Variants in KIF2C observed in about 807,000 individuals in gnomAD.
The protein encoded by KIF2C is kinesin family member 2C, also known as kinesin-like protein KIF2C.
Under a neutral mutation model 97.4 loss-of-function variants are expected in KIF2C, and 34 were observed. That is an observed-to-expected ratio of 0.35 (90% confidence interval 0.27 to 0.46). The LOEUF (loss-of-function observed/expected upper bound fraction) is 0.46, where lower values mean the gene tolerates loss of function less well. KIF2C is among the 20% of genes least tolerant of loss of function. The probability of loss-of-function intolerance (pLI) is 1.00; values close to 1 mark genes in which losing one functional copy is unlikely to be tolerated. For missense variants in KIF2C, 750 were observed against 907.6 expected (o/e 0.83, Z 2.23); for synonymous variants, 313 against 318.2 (o/e 0.98, Z 0.17).
chr1:44,762,604 T>A lies in KIF2C; in HGVS notation c.1917T>A (p.Thr639=). Residue 639 remains threonine, a synonymous_variant, in exon 19 of 21, where the codon ACT becomes ACA. Transcript: ENST00000372224. ...TGTCCAGCTTTAACGAAGCCATGAC[T>A]CAGATCAGGGAGCTGGAGGAGAAGG... The part of the protein sequence containing the change: ...SQMSSFNEAM[T]QIRELEEKAM... 6.2e-7 allele frequency: 1 copy of A among 1,614,104 alleles called. No individual in the cohort carries two copies. The highest frequency in any genetic ancestry group is 8.5e-7 in the Non-Finnish European group (1 of 1,180,014).
chr1:44,747,507 G>A (rs1307838001), intron 3 of KIF2C, 22 bp downstream of exon 3: 2 of 1,586,342 alleles, frequency 1.3e-6, no homozygotes, highest in Non-Finnish European at 1.7e-6. Flanking sequence ...TCATCTGGCT[G>A]CAGCCAGTGC....
Position 44,760,238 on chromosome 1 carries a change from G to A in KIF2C, c.1368-42G>A, listed in dbSNP as rs1461401637. On this transcript the variant is annotated intron_variant, in intron 14 of 20. Transcript: ENST00000372224. The surrounding 1 kb of genome is among the most constrained non-coding windows in gnomAD (Gnocchi z 4.2). ...ACTTCTGTGGACTTGGGTGCCATGG[G>A]GGCTGGTGACCACAGAATCTCATAA... The A allele has an allele frequency of 6.3e-7, 1 of 1,585,994 alleles. No individual in the cohort carries two copies. Among genetic ancestry groups the A allele is most frequent in the South Asian group, 1.1e-5 (1 of 90,178 alleles).
Position 44,767,097 on chromosome 1 carries a change from A to G in KIF2C, c.2096A>G (p.Asp699Gly). 6.2e-7 allele frequency: 1 copy of G among 1,613,882 alleles called. No homozygotes were observed. Among genetic ancestry groups the G allele is most frequent in the Non-Finnish European group, 8.5e-7 (1 of 1,179,886 alleles). Reference protein sequence around the residue: ...QQAKHFSALRDVIKALRLAMQ... With the variant: ...QQAKHFSALRGVIKALRLAMQ... Reference sequence around the variant, plus strand: ...TATGTACCGCTACCCTTTCTTCCAGATGTCATCAAGGCCTTGCGCCTGGCC... The same window carrying G: ...TATGTACCGCTACCCTTTCTTCCAGGTGTCATCAAGGCCTTGCGCCTGGCC... Residue 699 changes from aspartate to glycine, a missense_variant and splice_region_variant, in exon 21 of 21, where the codon GAT (aspartate) becomes GGT (glycine). Asp to Gly is a moderately conservative substitution (Grantham distance 94). Coordinates refer to ENST00000372224, the MANE Select transcript of KIF2C (RefSeq NM_006845.4).
chr1:44,757,855 C>G, intron 11 of KIF2C, 53 bp from the exon 12 acceptor site: 1 of 1,569,230 alleles, frequency 6.4e-7, no homozygotes, highest in Non-Finnish European at 8.8e-7. Context: ...CAGTAGTGCT[C>G]TGCTCTAGGC....
Position 44,753,166 on chromosome 1 carries a change from T to C in KIF2C, c.474T>C (p.Ala158=), listed in dbSNP as rs1169595489. The C allele has an allele frequency of 6.2e-7, 1 of 1,613,656 alleles. No individual in the cohort carries two copies. Among genetic ancestry groups the C allele is most frequent in the Admixed American group, 1.7e-5 (1 of 59,988 alleles). The change falls in exon 6 of 21, where the codon GCT becomes GCC. Residue 158 remains alanine (A), a synonymous_variant. Coordinates refer to ENST00000372224, the MANE Select transcript of KIF2C (RefSeq NM_006845.4). ...CTAGGCCTTCCTGCCCTGCAGTGGC[T>C]GAAATACCATTGAGGATGGTCAGCG... The part of the protein sequence containing the change: ...APTRPSCPAV[A]EIPLRMVSEE...
Position 44,747,384 on chromosome 1 carries a change from A to G in KIF2C, c.166A>G (p.Ile56Val), listed in dbSNP as rs758873840. 1 of 1,607,644 alleles carries G rather than the reference A, an allele frequency of 6.2e-7. No homozygotes were observed. The highest frequency in any genetic ancestry group is 8.5e-7 in the Non-Finnish European group (1 of 1,177,226). The part of the protein sequence containing the change: ...AEGGATKGKE[I>V]DFDDVAAINP... Reference sequence around the variant, plus strand: ...TGAAACTTTTACTTGCTCCTTGCAGATTGATTTTGATGATGTGGCTGCAAT... The same window carrying G: ...TGAAACTTTTACTTGCTCCTTGCAGGTTGATTTTGATGATGTGGCTGCAAT... The change falls in exon 3 of 21, where the codon ATT becomes GTT. Residue 56 changes from isoleucine to valine, a missense_variant and splice_region_variant. Transcript: ENST00000372224.
chr1:44,749,114 T>A (rs1649373097), intron 4 of KIF2C, among the ~76,000 whole-genome samples: 1 of 152,062 alleles, frequency 6.6e-6, no homozygotes, highest in Non-Finnish European at 1.5e-5. Flanking sequence ...CTGGTCAACA[T>A]GGTGAAACCC....
chr1:44,747,027 G>A (rs957965344), intron 2 of KIF2C, among the ~76,000 whole-genome samples: 4 of 151,794 alleles, frequency 2.6e-5, no homozygotes, highest in Admixed American at 6.6e-5. Flanking sequence ...CCTCGGGGGG[G>A]CCAGGCACAG....
intron 2 of KIF2C, among the ~76,000 whole-genome samples, chr1:44,745,448 C>T (rs1202303674): frequency 1.8e-5 from 2 of 110,942 alleles, no homozygotes; most frequent in Admixed American, 2.0e-4. Context: ...CTCATGGTGG[C>T]AGGGGTTGTA....
chr1:44,760,318 G>A lies in KIF2C; in HGVS notation c.1406G>A (p.Arg469His), dbSNP rs773951865. 11 of 1,614,062 alleles carry A rather than the reference G, an allele frequency of 6.8e-6. No homozygotes were observed. The highest frequency in any genetic ancestry group is 2.2e-5 in the East Asian group (1 of 44,890). Residue 469 changes from arginine to histidine, a missense_variant, in exon 15 of 21, where the codon CGC (arginine) becomes CAC (histidine). By Grantham distance (29) the Arg-to-His change is conservative. Coordinates refer to ENST00000372224, the MANE Select transcript of KIF2C (RefSeq NM_006845.4). The surrounding 1 kb of genome is among the most constrained non-coding windows in gnomAD (Gnocchi z 4.2). ...ACATTTGCCAACTCCAATTCCTCCCGCTCCCACGCGTGCTTCCAAATTATT... is the reference window on the plus strand; with the variant it reads ...ACATTTGCCAACTCCAATTCCTCCCACTCCCACGCGTGCTTCCAAATTATT... ...GQTFANSNSS[R>H]SHACFQIILR...
chr1:44,746,629 GA>G, intron 2 of KIF2C: 1 of 1,496,860 alleles, frequency 6.7e-7, no homozygotes, highest in Non-Finnish European at 8.9e-7. Flanking sequence ...ATCAGCAGGG[GA>G]GCCAAGTGGC....
At chr1:44,753,061 G>A (rs1649611705) in intron 5 of KIF2C, 71 bp from the exon 6 acceptor site, 3 of 1,539,772 alleles carry the variant, frequency 1.9e-6, no homozygotes, top group African/African-American at 2.7e-5. Context: ...CCCATAACCA[G>A]GGCCATGGGC....
At position 44,747,639 on chromosome 1, in the gene KIF2C, A is replaced by T; in HGVS notation, c.268-13A>T. 6.2e-7 allele frequency: 1 copy of T among 1,613,440 alleles called. No homozygotes were observed. The highest frequency in any genetic ancestry group is 1.1e-5 in the South Asian group (1 of 90,954). The stretch of plus-strand genomic sequence containing the variant: ...AAGAGCCATATATTGTGACAATTTG[A>T]TTTGTTTTTCAGAAACAAAAACGGA... On this transcript the variant is annotated splice_polypyrimidine_tract_variant and intron_variant, in intron 3 of 20. Coordinates refer to ENST00000372224, the MANE Select transcript of KIF2C (RefSeq NM_006845.4).
intron 14 of KIF2C, 70 bp downstream of exon 14, chr1:44,759,418 C>A: frequency 3.2e-6 from 5 of 1,579,482 alleles, no homozygotes; most frequent in Non-Finnish European, 4.3e-6. Flanking sequence ...TAGCTCTGAG[C>A]ACATTTCTGT....
chr1:44,759,356 T>C lies in KIF2C; in HGVS notation c.1367+8T>C, dbSNP rs1650018622. 6.2e-7 allele frequency: 1 copy of C among 1,613,902 alleles called. No individual in the cohort carries two copies. The highest frequency in any genetic ancestry group is 8.5e-7 in the Non-Finnish European group (1 of 1,179,936). On this transcript the variant is annotated splice_region_variant and intron_variant, in intron 14 of 20. Coordinates refer to ENST00000372224, the MANE Select transcript of KIF2C (RefSeq NM_006845.4). ...CATGGGCAGCGCCTGCAGGTGAGAG[T>C]CCTGGTGAGGGGAAGGAGCGACCTT...
intron 19 of KIF2C, among the ~76,000 whole-genome samples, chr1:44,764,563 G>A (rs1650348222): frequency 6.6e-6 from 1 of 151,616 alleles, no homozygotes; most frequent in Non-Finnish European, 1.5e-5. Flanking sequence ...AGGCTGGAGT[G>A]CAACGGCACC....
chr1:44,756,714 G>A (rs1402969391), intron 10 of KIF2C, among the ~76,000 whole-genome samples: 2 of 151,146 alleles, frequency 1.3e-5, no homozygotes, highest in Non-Finnish European at 2.9e-5. Flanking sequence ...CATCACACCT[G>A]GCTAATTTTG....
rs1450540349 is a variant in KIF2C, at chr1:44,767,124, T to C, written c.2123T>C (p.Met708Thr). ...GTCATCAAGGCCTTGCGCCTGGCCATGCAGCTGGAAGAGCAGGCTAGCAGA... is the reference window on the plus strand; with the variant it reads ...GTCATCAAGGCCTTGCGCCTGGCCACGCAGCTGGAAGAGCAGGCTAGCAGA... The part of the protein sequence containing the change: ...RDVIKALRLA[M>T]QLEEQASRQI... Residue 708 changes from methionine (M) to threonine (T), a missense_variant, in exon 21 of 21, where the codon ATG becomes ACG. By Grantham distance (81) the Met-to-Thr change is moderately conservative. Transcript: ENST00000372224. The C allele has an allele frequency of 1.2e-6, 2 of 1,614,038 alleles. No individual in the cohort carries two copies. Among genetic ancestry groups the C allele is most frequent in the Non-Finnish European group, 8.5e-7 (1 of 1,180,030 alleles).
Position 44,767,195 on chromosome 1 carries a change from A to G in KIF2C, c.*16A>G, listed in dbSNP as rs1472947255. 1.9e-6 allele frequency: 3 copies of G among 1,612,538 alleles called. No individual in the cohort carries two copies. The African/African-American group carries it at 4.0e-5, about 22-fold the overall frequency. On this transcript the variant is annotated 3_prime_UTR_variant, in exon 21 of 21. Transcript: ENST00000372224. ...GCCCCAGTGACGACTGCAAATAAAA[A>G]TCTGTTTGGTTTGACACCCAGCCTC... is the stretch of plus-strand genomic sequence containing the variant.
Sources: allele counts gnomAD v4.1 joint callset (sites outside exome capture counted in the v4.1 genomes callset), GRCh38; gene constraint gnomAD v4.1.1; non-coding constraint Gnocchi (gnomAD v3.1); transcripts MANE v1.5; gene names NCBI Gene and HGNC (gene_info 2026-07-23, HGNC 2026-07-21).